The following TRAPPC9 variants were observed in gnomAD, a reference collection of about 807,000 sequenced individuals.
TRAPPC9 encodes the protein trafficking protein particle complex subunit 9, also known as IKK2 binding protein.
A neutral mutation model predicts 124.0 loss-of-function variants in TRAPPC9; 83 were observed. The observed-to-expected ratio is 0.67, with a 90% CI of 0.56 to 0.80. The LOEUF is 0.80. TRAPPC9 is among the 30% of genes least tolerant of loss of function. The pLI, the probability that TRAPPC9 is intolerant of heterozygous loss-of-function variation, is 0.00. For missense variants in TRAPPC9, 1,302 were observed against 1,508.3 expected (o/e 0.86, Z 2.27); for synonymous variants, 638 against 617.5 (o/e 1.03, Z -0.49).
At chr8:140,270,233 G>C (rs2064834980) in intron 15 of TRAPPC9, among the ~76,000 whole-genome samples, 1 of 152,202 alleles carries the variant, frequency 6.6e-6, no homozygotes, top group Non-Finnish European at 1.5e-5. Context: ...GTCTAAGGTA[G>C]AGCAGCAGAG....
At position 139,776,551 on chromosome 8, in the gene TRAPPC9, A is replaced by G. The variant is rs941379251; in HGVS notation, c.3056-44349T>C. Among the ~76,000 whole-genome samples, 61 of 152,338 alleles carry G rather than the reference A, an allele frequency of 4.0e-4. No homozygotes were observed. The highest frequency in any genetic ancestry group is 1.4e-3 in the African/African-American group (58 of 41,586). ...AGCGACTGCCTAATTAGGAAGGCAC[A>G]GCTGACCACCCAGGCCTCATTCGCA... On this transcript the variant is annotated intron_variant, in intron 21 of 22. Transcript: ENST00000438773. The surrounding 1 kb of genome is among the most constrained non-coding windows in gnomAD (Gnocchi z 4.1).
chr8:139,979,541 C>G (rs1345059183), intron 19 of TRAPPC9, among the ~76,000 whole-genome samples: 1 of 152,196 alleles, frequency 6.6e-6, no homozygotes, highest in African/African-American at 2.4e-5. Context: ...CTGCGTCCAG[C>G]CAGTCCAGTC....
At chr8:140,315,780 T>C (rs1371533565) in intron 9 of TRAPPC9, among the ~76,000 whole-genome samples, 1 of 152,202 alleles carries the variant, frequency 6.6e-6, no homozygotes, top group African/African-American at 2.4e-5. Context: ...TCTTATTTGG[T>C]ATAAAAATTA....
At chr8:139,798,052 T>C (rs998629218) in intron 21 of TRAPPC9, among the ~76,000 whole-genome samples, 2 of 152,246 alleles carry the variant, frequency 1.3e-5, no homozygotes, top group Non-Finnish European at 2.9e-5. Flanking sequence ...CAGCTGGGAT[T>C]TTGACAGAGA....
chr8:140,122,023 TTCTCTC>T (rs533446141), intron 17 of TRAPPC9, among the ~76,000 whole-genome samples: 3,656 of 138,526 alleles, frequency 0.026, 159 homozygotes, highest in African/African-American at 0.09. Flanking sequence ...CTTTCTTTCT[TTCTCTC>T]TCTCTCTCTC....
Position 140,415,112 on chromosome 8 carries a change from A to C in TRAPPC9, c.887-9414T>G, listed in dbSNP as rs2319830. On this transcript the variant is annotated intron_variant, in intron 5 of 22. Coordinates refer to ENST00000438773, the MANE Select transcript of TRAPPC9 (RefSeq NM_001160372.4). ...TATAGTCTCAGCTACTTGGGAGGCG[A>C]AAGCAGGAGGATCTCTTGAGCCCAG... Among the ~76,000 whole-genome samples, 6 of 152,034 alleles carry C rather than the reference A, an allele frequency of 3.9e-5. No individual in the cohort carries two copies. In the South Asian group the frequency reaches 6.2e-4, roughly 16 times the overall value.
intron 6 of TRAPPC9, among the ~76,000 whole-genome samples, chr8:140,400,321 A>G (rs2069223405): frequency 6.6e-6 from 1 of 152,252 alleles, no homozygotes. Flanking sequence ...ATGTGTATGC[A>G]TTCATTAAAA....
At chr8:139,736,935 G>A (rs371735387) in intron 21 of TRAPPC9, among the ~76,000 whole-genome samples, 15 of 152,328 alleles carry the variant, frequency 9.8e-5, no homozygotes, top group African/African-American at 3.6e-4. Flanking sequence ...GCATATAAGA[G>A]GAGAGAAGAG....
At chr8:140,065,770 G>C (rs780898712) in intron 17 of TRAPPC9, among the ~76,000 whole-genome samples, 1 of 152,184 alleles carries the variant, frequency 6.6e-6, no homozygotes. Flanking sequence ...AATGCACCAC[G>C]TCACGTAAGA....
intron 21 of TRAPPC9, among the ~76,000 whole-genome samples, chr8:139,880,438 T>C (rs1389791261): frequency 1.3e-5 from 2 of 152,212 alleles, no homozygotes. Flanking sequence ...TCAGCTCCCA[T>C]GCCCTATGAC....
At chr8:140,214,473 A>C (rs2063143458) in intron 17 of TRAPPC9, among the ~76,000 whole-genome samples, 1 of 152,218 alleles carries the variant, frequency 6.6e-6, no homozygotes, top group South Asian at 2.1e-4. Flanking sequence ...ACCTGGACTC[A>C]CTGACCAAAT....
At chr8:140,425,578 GTGTACA>G (rs1564015848) in intron 5 of TRAPPC9, among the ~76,000 whole-genome samples, 5 of 152,188 alleles carry the variant, frequency 3.3e-5, no homozygotes, top group African/African-American at 1.2e-4. Context: ...CTTCTATATG[GTGTACA>G]CATCTAATTC....
chr8:140,189,404 T>C (rs908321842), intron 17 of TRAPPC9, among the ~76,000 whole-genome samples: 14 of 152,236 alleles, frequency 9.2e-5, no homozygotes, highest in African/African-American at 3.4e-4. Context: ...TGGGAAAAAC[T>C]AGCGACCCAA....
intron 8 of TRAPPC9, among the ~76,000 whole-genome samples, chr8:140,365,034 C>G (rs2068069324): frequency 6.6e-6 from 1 of 151,356 alleles, no homozygotes; most frequent in South Asian, 2.1e-4. Context: ...TCTGGGGGAG[C>G]CAGGGAGGGA....
At chr8:139,828,696 TCC>T (rs1251099800) in intron 21 of TRAPPC9, among the ~76,000 whole-genome samples, 1 of 152,200 alleles carries the variant, frequency 6.6e-6, no homozygotes, top group Admixed American at 6.5e-5. Flanking sequence ...TCATTTTGTT[TCC>T]CTGAAGCTGA....
chr8:140,175,913 T>G (rs1563819569), intron 17 of TRAPPC9, among the ~76,000 whole-genome samples: 1 of 152,258 alleles, frequency 6.6e-6, no homozygotes, highest in Non-Finnish European at 1.5e-5. Context: ...GAACATACAC[T>G]TATTCGGCAG....
intron 4 of TRAPPC9, among the ~76,000 whole-genome samples, chr8:140,431,713 G>A (rs913951407): frequency 1.3e-5 from 2 of 152,290 alleles, no homozygotes; most frequent in East Asian, 1.9e-4. Context: ...GATGCAGAGC[G>A]AGGAGGTGGG....
chr8:140,231,323 C>A (rs547288959), intron 16 of TRAPPC9, among the ~76,000 whole-genome samples: 27 of 151,918 alleles, frequency 1.8e-4, no homozygotes, highest in Non-Finnish European at 3.5e-4. Flanking sequence ...CTGAAAAGCA[C>A]CTAATAAGGA....
intron 19 of TRAPPC9, among the ~76,000 whole-genome samples, chr8:139,914,425 G>A (rs1269604708): frequency 6.6e-6 from 1 of 152,270 alleles, no homozygotes; most frequent in Non-Finnish European, 1.5e-5. Context: ...GGAAGGCGCT[G>A]AGGTGTAGCT....
Sources: gnomAD v4.1 joint callset for allele counts (sites outside exome capture counted in the v4.1 genomes callset) on GRCh38, gnomAD v4.1.1 for gene constraint, Gnocchi (gnomAD v3.1) non-coding constraint, MANE v1.5 for transcripts, NCBI Gene and HGNC (gene_info 2026-07-23, HGNC 2026-07-21) for gene names.